Variants in RBBP8 observed in about 807,000 individuals in gnomAD.
RBBP8 encodes RB binding protein 8, endonuclease, also known as DNA endonuclease RBBP8.
RBBP8 carries 88 observed loss-of-function variants against 108.3 expected under a neutral mutation model. The ratio of observed to expected loss-of-function variants is 0.81; its 90% CI spans 0.68 to 0.97. The LOEUF (loss-of-function observed/expected upper bound fraction) is 0.97, where lower values mean the gene tolerates loss of function less well. RBBP8 is among the 50% of genes least tolerant of loss of function. The pLI, the probability that RBBP8 is intolerant of heterozygous loss-of-function variation, is 0.00. For missense variants in RBBP8, 1,023 were observed against 1,049.0 expected (o/e 0.98, Z 0.34); for synonymous variants, 332 against 348.2 (o/e 0.95, Z 0.52).
chr18:23,017,670 T>G (rs1294264442), intron 17 of RBBP8, among the ~76,000 whole-genome samples: 1 of 151,508 alleles, frequency 6.6e-6, no homozygotes, highest in Non-Finnish European at 1.5e-5. Flanking sequence ...AAAAAAATTA[T>G]TTTTACCAAC....
intron 16 of RBBP8, among the ~76,000 whole-genome samples, chr18:23,012,440 C>CA (rs2046184548): frequency 6.6e-6 from 1 of 152,132 alleles, no homozygotes; most frequent in South Asian, 2.1e-4. Context: ...CTCCAGTGAA[C>CA]ACATCAATGG....
Position 22,997,709 on chromosome 18 carries a change from A to C in RBBP8, c.2118A>C (p.Gln706His), listed in dbSNP as rs904895770. The C allele has an allele frequency of 3.7e-6, 6 of 1,602,602 alleles. No homozygotes were observed. The highest frequency in any genetic ancestry group is 4.3e-6 in the Non-Finnish European group (5 of 1,172,492). The change falls in exon 14 of 19, where the codon CAA (glutamine) becomes CAC (histidine). Residue 706 changes from glutamine to histidine, a missense_variant. Gln to His is a conservative substitution (Grantham distance 24). Coordinates refer to ENST00000327155, the MANE Select transcript of RBBP8 (RefSeq NM_002894.3). Reference protein sequence around the residue: ...SETVLLKMKKQEQKGEKSSNE... With the variant: ...SETVLLKMKKHEQKGEKSSNE... Reference sequence around the variant, plus strand: ...CCGTTCTCTTAAAAATGAAGAAGCAAGAGCAGAAGGGAGAAAAAAGTTCAA... The same window carrying C: ...CCGTTCTCTTAAAAATGAAGAAGCACGAGCAGAAGGGAGAAAAAAGTTCAA...
At chr18:22,942,557 A>T (rs1399254059) in intron 2 of RBBP8, among the ~76,000 whole-genome samples, 5 of 152,036 alleles carry the variant, frequency 3.3e-5, no homozygotes, top group African/African-American at 1.2e-4. Context: ...ATCCTTTAAG[A>T]TAATTTTATC....
chr18:22,939,900 A>G (rs994217635), intron 2 of RBBP8, among the ~76,000 whole-genome samples: 3 of 152,316 alleles, frequency 2.0e-5, no homozygotes, highest in East Asian at 3.9e-4. Flanking sequence ...CTAATTAGCC[A>G]GGCAAGGAAG....
In RBBP8 at chr18:22,966,557, A is replaced by G. The variant is rs572476250; in HGVS notation, c.249-2249A>G. ...AGTTTGAGACCAGCCTGGGCAACAT[A>G]GTGAGACCCCATCTCATTAAAAAAA... On this transcript the variant is annotated intron_variant, in intron 4 of 18. Coordinates refer to ENST00000327155, the MANE Select transcript of RBBP8 (RefSeq NM_002894.3). Among the ~76,000 whole-genome samples the G allele has an allele frequency of 4.2e-5, 6 of 142,914 alleles. No homozygotes were observed. The East Asian group carries it at 1.3e-3, about 30-fold the overall frequency. The allele number at this position is 142,914 out of a possible 152,430, so 93.8% of individuals were successfully genotyped here. A position where few individuals can be genotyped will look rare whatever the true frequency, so the allele number is the denominator to read the frequency against.
chr18:22,992,548 T>C (rs1320277434), intron 10 of RBBP8, among the ~76,000 whole-genome samples, 200 bp from the exon 11 acceptor site: 2 of 152,242 alleles, frequency 1.3e-5, no homozygotes, highest in African/African-American at 4.8e-5. Context: ...GAAAAATTTT[T>C]AAAATATGAA....
At chr18:22,938,482 C>T (rs1910773767) in intron 2 of RBBP8, among the ~76,000 whole-genome samples, 1 of 152,086 alleles carries the variant, frequency 6.6e-6, no homozygotes, top group Non-Finnish European at 1.5e-5. Context: ...CTGCGCCCAG[C>T]CAGATCTCAT....
rs148062113 is a variant in RBBP8, at chr18:22,948,293, T to C, written c.153-1325T>C. Among the ~76,000 whole-genome samples, 273 of 152,244 alleles carry C rather than the reference T, an allele frequency of 1.8e-3. 1 individual carries two copies. The highest frequency in any genetic ancestry group is 3.2e-3 in the Non-Finnish European group (216 of 67,966). ...CAGGCTTAGACAAGTTATCTGGTTG[T>C]ATTTGCTGAATAGGATCAGTGAAAA... On this transcript the variant is annotated intron_variant, in intron 3 of 18. Coordinates refer to ENST00000327155, the MANE Select transcript of RBBP8 (RefSeq NM_002894.3).
At chr18:22,927,555 T>A (rs868050422) in intron 3 of RBBP8, among the ~76,000 whole-genome samples, 14 of 152,288 alleles carry the variant, frequency 9.2e-5, no homozygotes, top group African/African-American at 3.4e-4. Context: ...GTGGCTAGTC[T>A]AAACTGAGAT....
intron 2 of RBBP8, among the ~76,000 whole-genome samples, chr18:22,944,294 CCT>C (rs1412326301): frequency 3.9e-5 from 6 of 152,172 alleles, no homozygotes; most frequent in South Asian, 2.1e-4. Flanking sequence ...TAGTTCTTCC[CCT>C]GTTTCCCAAG....
chr18:23,003,117 ACT>A (rs2045975260), intron 15 of RBBP8, among the ~76,000 whole-genome samples: 1 of 151,664 alleles, frequency 6.6e-6, no homozygotes, highest in Non-Finnish European at 1.5e-5. Context: ...TATCCCCAAG[ACT>A]CTTTCTTCCT....
At chr18:22,973,490 C>G in intron 5 of RBBP8, among the ~76,000 whole-genome samples, 1 of 152,190 alleles carries the variant, frequency 6.6e-6, no homozygotes, top group Non-Finnish European at 1.5e-5. Context: ...TACAGTTCTT[C>G]TACTGGTCTT....
At chr18:22,923,817 AACTCAC>A (rs2144342649) in intron 3 of RBBP8, among the ~76,000 whole-genome samples, 1 of 152,316 alleles carries the variant, frequency 6.6e-6, no homozygotes, top group South Asian at 2.1e-4. Flanking sequence ...TACATGAAAC[AACTCAC>A]AACCAGGGCT....
chr18:22,960,381 T>C (rs1283530575), intron 4 of RBBP8, among the ~76,000 whole-genome samples: 2 of 152,040 alleles, frequency 1.3e-5, no homozygotes, highest in Non-Finnish European at 2.9e-5. Context: ...CAAAACCCTG[T>C]CTCTAAAAGT....
intron 4 of RBBP8, among the ~76,000 whole-genome samples, chr18:22,950,429 T>A (rs1370100041): frequency 6.6e-6 from 1 of 152,058 alleles, no homozygotes; most frequent in African/African-American, 2.4e-5. Context: ...CTACAAAAAA[T>A]TTTAAAAGCT....
At chr18:23,017,008 A>T (rs1423404436) in intron 17 of RBBP8, 84 bp downstream of exon 17, 2 of 1,034,148 alleles carry the variant, frequency 1.9e-6, no homozygotes, top group Non-Finnish European at 3.0e-6. Flanking sequence ...ACGTATACAA[A>T]CCATATTGGT....
chr18:22,978,397 G>A (rs1914642208), intron 6 of RBBP8, among the ~76,000 whole-genome samples: 1 of 152,128 alleles, frequency 6.6e-6, no homozygotes, highest in African/African-American at 2.4e-5. Flanking sequence ...GTGTTTTAAA[G>A]GATGAACTTG....
At chr18:22,978,529 T>C (rs1300216934) in intron 6 of RBBP8, among the ~76,000 whole-genome samples, 1 of 152,142 alleles carries the variant, frequency 6.6e-6, no homozygotes, top group South Asian at 2.1e-4. Flanking sequence ...TTTTTTCCTT[T>C]TGTGATCCCA....
chr18:22,916,678 A>T (rs1458947296), intron 2 of RBBP8, among the ~76,000 whole-genome samples: 1 of 152,128 alleles, frequency 6.6e-6, no homozygotes, highest in Non-Finnish European at 1.5e-5. Context: ...ATTGCCATTG[A>T]TAACAAAGGT....
Sources: gnomAD v4.1 joint callset for allele counts (sites outside exome capture counted in the v4.1 genomes callset) on GRCh38, gnomAD v4.1.1 for gene constraint, MANE v1.5 for transcripts, NCBI Gene and HGNC (gene_info 2026-07-23, HGNC 2026-07-21) for gene names.